The following FOXL2NB variants were observed in gnomAD, a reference collection of about 807,000 sequenced individuals.
The protein encoded by FOXL2NB is FOXL2 neighbor protein.
Under a neutral mutation model 7.4 loss-of-function variants are expected in FOXL2NB, and 10 were observed. The ratio of observed to expected loss-of-function variants is 1.34; its 90% confidence interval spans 0.83 to 2.28. The LOEUF (loss-of-function observed/expected upper bound fraction) is 2.28, where lower values mean the gene tolerates loss of function less well. Ranked by LOEUF, FOXL2NB falls within the 30% of genes most tolerant of loss-of-function variation. The pLI is 0.00. For synonymous variants in FOXL2NB, 104 were observed against 105.3 expected, an observed-to-expected ratio of 0.99 and a Z score of 0.08; for missense variants, 228 against 233.9, an observed-to-expected ratio of 0.97 and a Z score of 0.17.
In FOXL2NB at chr3:138,952,686, T is replaced by A. The variant is rs1415227020; in HGVS notation, c.*2114T>A. On this transcript the variant is annotated 3_prime_UTR_variant, in exon 3 of 3. Transcript: ENST00000383165. ...GAGCCAACACACTCAGCTAATTTTT[T>A]TTTTTTTTTTTTGGTATTTTTGGTA... 1 of 151,054 alleles carries A rather than the reference T, an allele frequency of 6.6e-6. No homozygotes were observed. The highest frequency in any genetic ancestry group is 6.6e-5 in the Admixed American group (1 of 15,198). 9.4% of individuals were successfully genotyped at this position (151,054 alleles called of 1,614,324 possible).
At position 138,949,335 on chromosome 3, in the gene FOXL2NB, A is replaced by T. The variant is rs886750418; in HGVS notation, c.101-185A>T. ...GTTGTGTGTGTCATCACTTCCCTGA[A>T]TTCCACACTCGGCTCCCTTTTCAGC... On this transcript the variant is annotated intron_variant, in intron 1 of 2. Coordinates refer to ENST00000383165, the MANE Select transcript of FOXL2NB (RefSeq NM_001040061.3). This position sits in a 1 kb window ranked among gnomAD's most constrained non-coding sequence, Gnocchi z 4.5. Among the ~76,000 whole-genome samples, 1 of 151,550 alleles carries T rather than the reference A, an allele frequency of 6.6e-6. No individual in the cohort carries two copies. Among genetic ancestry groups the T allele is most frequent in the Non-Finnish European group, 1.5e-5 (1 of 67,960 alleles).
At chr3:138,950,160 G>C (rs1171132913) in intron 2 of FOXL2NB, 105 bp from the exon 3 acceptor site, 1 of 1,246,106 alleles carries the variant, frequency 8.0e-7, no homozygotes, top group Admixed American at 1.9e-5. Context: ...ATTGAGCGCA[G>C]TCTCAGCTCC....
In FOXL2NB at chr3:138,949,773, C is replaced by A; in HGVS notation, c.220+134C>A. The A allele has an allele frequency of 7.4e-7, 1 of 1,356,050 alleles. No individual in the cohort carries two copies. The highest frequency in any genetic ancestry group is 1.0e-6 in the Non-Finnish European group (1 of 967,898). 84.0% of individuals were successfully genotyped at this position (1,356,050 alleles called of 1,614,324 possible). A position where few individuals can be genotyped will look rare whatever the true frequency, so the allele number is the denominator to read the frequency against. On this transcript the variant is annotated intron_variant, in intron 2 of 2. Transcript: ENST00000383165. This position sits in a 1 kb window ranked among gnomAD's most constrained non-coding sequence, Gnocchi z 4.5. Reference sequence around the variant, plus strand: ...GAGAACAGAATCCTCTCCTTGCCGGCCCAGCCAGAGGTGGGTGAACCGGGC... The same window carrying A: ...GAGAACAGAATCCTCTCCTTGCCGGACCAGCCAGAGGTGGGTGAACCGGGC...
At chr3:138,948,328 G>T (rs1269985143) in intron 1 of FOXL2NB, among the ~76,000 whole-genome samples, 2 of 152,326 alleles carry the variant, frequency 1.3e-5, no homozygotes, top group South Asian at 2.1e-4. Context: ...GGAGTTAGTT[G>T]TCACCTACCT....
chr3:138,948,542 G>A (rs1378238319), intron 1 of FOXL2NB, among the ~76,000 whole-genome samples: 1 of 152,182 alleles, frequency 6.6e-6, no homozygotes, highest in Non-Finnish European at 1.5e-5. Context: ...TGAGGAGGGG[G>A]GCAAGGCCAC....
Position 138,949,958 on chromosome 3 carries a change from G to T in FOXL2NB, c.221-307G>T. On this transcript the variant is annotated intron_variant, in intron 2 of 2. Coordinates refer to ENST00000383165, the MANE Select transcript of FOXL2NB (RefSeq NM_001040061.3). This position sits in a 1 kb window ranked among gnomAD's most constrained non-coding sequence, Gnocchi z 4.5. ...TTTCTCCCCGCGGCATTGGGGCGACGCAGGGCCCCCGGCTTAGTGACCTTG... is the reference window on the plus strand; with the variant it reads ...TTTCTCCCCGCGGCATTGGGGCGACTCAGGGCCCCCGGCTTAGTGACCTTG... 1 of 693,176 alleles carries T rather than the reference G, an allele frequency of 1.4e-6. No homozygotes were observed. The allele number at this position is 693,176 out of a possible 1,614,324, so 42.9% of individuals were successfully genotyped here. A position where few individuals can be genotyped will look rare whatever the true frequency, so the allele number is the denominator to read the frequency against.
At position 138,953,356 on chromosome 3, in the gene FOXL2NB, C is replaced by A. The variant is rs1325559710; in HGVS notation, c.*2784C>A. 1 of 152,248 alleles carries A rather than the reference C, an allele frequency of 6.6e-6. No homozygotes were observed. The highest frequency in any genetic ancestry group is 6.5e-5 in the Admixed American group (1 of 15,288). 9.4% of individuals were successfully genotyped at this position (152,248 alleles called of 1,614,324 possible). ...GCCTTTGCATCTTCATAGCTTAGCT[C>A]CCACTTATAAATGAAAACACAGGAT... On this transcript the variant is annotated 3_prime_UTR_variant, in exon 3 of 3. Coordinates refer to ENST00000383165, the MANE Select transcript of FOXL2NB (RefSeq NM_001040061.3).
Position 138,950,754 on chromosome 3 carries a change from C to G in FOXL2NB, c.*182C>G, listed in dbSNP as rs1004149032. On this transcript the variant is annotated 3_prime_UTR_variant, in exon 3 of 3. Coordinates refer to ENST00000383165, the MANE Select transcript of FOXL2NB (RefSeq NM_001040061.3). ...CCAAATCCCCTCTAGTTCTCCCTCC[C>G]CTCCTACTTCTCTCACACTCACCAG... 6.3e-6 allele frequency: 4 copies of G among 633,004 alleles called. No homozygotes were observed. The highest frequency in any genetic ancestry group is 1.1e-5 in the Non-Finnish European group (4 of 370,084). The allele number at this position is 633,004 out of a possible 1,614,324, so 39.2% of individuals were successfully genotyped here.
rs201726891 is a variant in FOXL2NB at position 138,949,495 on chromosome 3, T to C, written c.101-25T>C. 51 of 1,613,526 alleles carry C rather than the reference T, an allele frequency of 3.2e-5. No homozygotes were observed. Among genetic ancestry groups the C allele is most frequent in the Non-Finnish European group, 4.1e-5 (48 of 1,179,868 alleles). On this transcript the variant is annotated intron_variant, in intron 1 of 2. Transcript: ENST00000383165. The surrounding 1 kb of genome is among the most constrained non-coding windows in gnomAD (Gnocchi z 4.5). The stretch of plus-strand genomic sequence containing the variant: ...GGAGTTCTGCTCTGAAAATACTGAT[T>C]TCTGACTGTCCCGTAGAGGAACAGA...
Position 138,949,903 on chromosome 3 carries a change from T to A in FOXL2NB, c.220+264T>A, listed in dbSNP as rs1236884251. On this transcript the variant is annotated intron_variant, in intron 2 of 2. Coordinates refer to ENST00000383165, the MANE Select transcript of FOXL2NB (RefSeq NM_001040061.3). This position sits in a 1 kb window ranked among gnomAD's most constrained non-coding sequence, Gnocchi z 4.5. ...CTCTCTGAACAGGGCATACTGTGCC[T>A]AGGTTTTGTGGACGCCAGGGCCGGT... 1.4e-6 allele frequency: 1 copy of A among 693,186 alleles called. No individual in the cohort carries two copies. The highest frequency in any genetic ancestry group is 2.6e-6 in the Non-Finnish European group (1 of 381,430). The allele number at this position is 693,186 out of a possible 1,614,324, so 42.9% of individuals were successfully genotyped here. A position where few individuals can be genotyped will look rare whatever the true frequency, so the allele number is the denominator to read the frequency against.
intron 1 of FOXL2NB, among the ~76,000 whole-genome samples, chr3:138,948,517 CA>C (rs1034362332): frequency 1.2e-4 from 19 of 152,320 alleles, no homozygotes; most frequent in African/African-American, 4.6e-4. Context: ...CCTCAAGCCC[CA>C]AACTCCTTGG....
rs760412852 is a variant in FOXL2NB at position 138,950,305 on chromosome 3, T to G, written c.261T>G (p.Pro87=). 1.2e-6 allele frequency: 2 copies of G among 1,606,782 alleles called. No homozygotes were observed. The highest frequency in any genetic ancestry group is 3.5e-5 in the Admixed American group (2 of 57,740). The change falls in exon 3 of 3, where the codon CCT becomes CCG. Residue 87 remains proline (P), a synonymous_variant. Transcript: ENST00000383165. ...AACAGCGGCAGAAGCCGCCCGCGCC[T>G]CGGGCTTCCGGCGGCCCAGCTCTAC... ...ILQQRQKPPA[P]RASGGPALLG...
At position 138,949,119 on chromosome 3, in the gene FOXL2NB, C is replaced by G. The variant is rs945992496; in HGVS notation, c.101-401C>G. Among the ~76,000 whole-genome samples, 21 of 152,084 alleles carry G rather than the reference C, an allele frequency of 1.4e-4. No homozygotes were observed. Among genetic ancestry groups the G allele is most frequent in the Non-Finnish European group, 2.8e-4 (19 of 68,008 alleles). On this transcript the variant is annotated intron_variant, in intron 1 of 2. Coordinates refer to ENST00000383165, the MANE Select transcript of FOXL2NB (RefSeq NM_001040061.3). The surrounding 1 kb of genome is among the most constrained non-coding windows in gnomAD (Gnocchi z 4.5). Reference sequence around the variant, plus strand: ...ATTGGCCTCAGTGCCTATCCTCCCCCAGCCAGGGCCTGGGCAGGGGGAAAA... The same window carrying G: ...ATTGGCCTCAGTGCCTATCCTCCCCGAGCCAGGGCCTGGGCAGGGGGAAAA...
At chr3:138,950,018 G>A (rs567897864) in intron 2 of FOXL2NB, 3 of 703,898 alleles carry the variant, frequency 4.3e-6, no homozygotes, top group Non-Finnish European at 7.7e-6. Context: ...AGGGTGGTGG[G>A]CTGGGCAGAA....
At position 138,949,103 on chromosome 3, in the gene FOXL2NB, A is replaced by C. The variant is rs905045582; in HGVS notation, c.101-417A>C. Among the ~76,000 whole-genome samples, 2 of 151,910 alleles carry C rather than the reference A, an allele frequency of 1.3e-5. No individual in the cohort carries two copies. The highest frequency in any genetic ancestry group is 4.8e-5 in the African/African-American group (2 of 41,346). Reference sequence around the variant, plus strand: ...TTTGGGGCTGCTGCAGATTGGCCTCAGTGCCTATCCTCCCCCAGCCAGGGC... The same window carrying C: ...TTTGGGGCTGCTGCAGATTGGCCTCCGTGCCTATCCTCCCCCAGCCAGGGC... On this transcript the variant is annotated intron_variant, in intron 1 of 2. Coordinates refer to ENST00000383165, the MANE Select transcript of FOXL2NB (RefSeq NM_001040061.3). The surrounding 1 kb of genome is among the most constrained non-coding windows in gnomAD (Gnocchi z 4.5).
In FOXL2NB at chr3:138,947,473, A is replaced by C. The variant is rs1239851471; in HGVS notation, c.100+9A>C. ...CTCCTCGCGGCTTTCAGGTGAAAGA[A>C]AACGACTCCTTTGCTCTGCCGTTTG... On this transcript the variant is annotated intron_variant, in intron 1 of 2. Coordinates refer to ENST00000383165, the MANE Select transcript of FOXL2NB (RefSeq NM_001040061.3). The surrounding 1 kb of genome is among the most constrained non-coding windows in gnomAD (Gnocchi z 5.2). 3.9e-6 allele frequency: 6 copies of C among 1,538,590 alleles called. No homozygotes were observed. Among genetic ancestry groups the C allele is most frequent in the Middle Eastern group, 1.7e-4 (1 of 5,938 alleles).
rs1936112839 is a variant in FOXL2NB at position 138,950,634 on chromosome 3, C to G, written c.*62C>G. 5 of 1,574,958 alleles carry G rather than the reference C, an allele frequency of 3.2e-6. No homozygotes were observed. In the Admixed American group the frequency reaches 5.3e-5, roughly 17 times the overall value. Reference sequence around the variant, plus strand: ...GCACTCACTCCCTCCCGGCCCCTCACAGGGCCCTTTGCACCCACACCTCAG... The same window carrying G: ...GCACTCACTCCCTCCCGGCCCCTCAGAGGGCCCTTTGCACCCACACCTCAG... On this transcript the variant is annotated 3_prime_UTR_variant, in exon 3 of 3. Transcript: ENST00000383165.
rs769703570 is a variant in FOXL2NB, at chr3:138,947,528, G to C, written c.100+64G>C. On this transcript the variant is annotated intron_variant, in intron 1 of 2. Coordinates refer to ENST00000383165, the MANE Select transcript of FOXL2NB (RefSeq NM_001040061.3). The surrounding 1 kb of genome is among the most constrained non-coding windows in gnomAD (Gnocchi z 5.2). ...CGTCTTGAGGCTGAACTTCTAGCTC[G>C]GGGCTGGGGAGGGGCGAGACGGCGA... is the stretch of plus-strand genomic sequence containing the variant. 1.6e-5 allele frequency: 24 copies of C among 1,508,388 alleles called. No homozygotes were observed. The highest frequency in any genetic ancestry group is 8.7e-5 in the Admixed American group (4 of 46,066). 93.4% of individuals were successfully genotyped at this position (1,508,388 alleles called of 1,614,324 possible). A position where few individuals can be genotyped will look rare whatever the true frequency, so the allele number is the denominator to read the frequency against.
chr3:138,949,877 C>A lies in FOXL2NB; in HGVS notation c.220+238C>A, dbSNP rs372389376. On this transcript the variant is annotated intron_variant, in intron 2 of 2. Coordinates refer to ENST00000383165, the MANE Select transcript of FOXL2NB (RefSeq NM_001040061.3). This position sits in a 1 kb window ranked among gnomAD's most constrained non-coding sequence, Gnocchi z 4.5. Reference sequence around the variant, plus strand: ...GGCTGGTTGCTGGCGAGGTCGGGATCCTCTCTGAACAGGGCATACTGTGCC... The same window carrying A: ...GGCTGGTTGCTGGCGAGGTCGGGATACTCTCTGAACAGGGCATACTGTGCC... The A allele has an allele frequency of 8.6e-6, 6 of 701,002 alleles. No homozygotes were observed. The highest frequency in any genetic ancestry group is 1.7e-5 in the African/African-American group (1 of 57,292). 43.4% of individuals were successfully genotyped at this position (701,002 alleles called of 1,614,324 possible).
Sources: gnomAD v4.1 joint callset for allele counts (sites outside exome capture counted in the v4.1 genomes callset) on GRCh38, gnomAD v4.1.1 for gene constraint, Gnocchi (gnomAD v3.1) non-coding constraint, MANE v1.5 for transcripts, NCBI Gene and HGNC (gene_info 2026-07-23, HGNC 2026-07-21) for gene names.